Variants in TTLL5 observed in about 807,000 individuals in gnomAD.
TTLL5 encodes the protein tubulin tyrosine ligase like 5.
Under a neutral mutation model 168.4 loss-of-function variants are expected in TTLL5, and 132 were observed. The ratio of observed to expected loss-of-function variants is 0.78; its 90% CI spans 0.68 to 0.91. The LOEUF (loss-of-function observed/expected upper bound fraction) is 0.91, where lower values mean the gene tolerates loss of function less well. TTLL5 is among the 40% of genes least tolerant of loss of function. TTLL5 has a pLI of 0.00. For synonymous variants in TTLL5, 546 were observed against 558.6 expected (o/e 0.98, Z 0.32); for missense variants, 1,545 against 1,581.5 (o/e 0.98, Z 0.39).
rs540704523 is a variant in TTLL5 at position 75,795,945 on chromosome 14, C to T, written c.3171+2845C>T. Among the ~76,000 whole-genome samples, 9 of 152,152 alleles carry T rather than the reference C, an allele frequency of 5.9e-5. No homozygotes were observed. In the East Asian group the frequency reaches 1.7e-3, roughly 29 times the overall value. Reference sequence around the variant, plus strand: ...GACTTCTTTTCCTCTGGGTAGATACCCAGTAGTGGGATTACTGGATCAAAT... The same window carrying T: ...GACTTCTTTTCCTCTGGGTAGATACTCAGTAGTGGGATTACTGGATCAAAT... On this transcript the variant is annotated intron_variant, in intron 27 of 31. Transcript: ENST00000298832.
At chr14:75,668,759 A>C (rs1226837162) in intron 2 of TTLL5, among the ~76,000 whole-genome samples, 1 of 152,226 alleles carries the variant, frequency 6.6e-6, no homozygotes, top group East Asian at 1.9e-4. Flanking sequence ...ATTGGCTTGA[A>C]AATGGACTAT....
chr14:75,688,328 G>A (rs1166274560), intron 5 of TTLL5, among the ~76,000 whole-genome samples: 1 of 152,204 alleles, frequency 6.6e-6, no homozygotes, highest in Non-Finnish European at 1.5e-5. Context: ...GACTGGGTTT[G>A]GAGAGCTTCT....
intron 31 of TTLL5, among the ~76,000 whole-genome samples, chr14:75,924,107 A>G (rs537569448): frequency 1.3e-3 from 192 of 147,084 alleles, no homozygotes; most frequent in African/African-American, 4.5e-3. Flanking sequence ...TTTTGAGCCT[A>G]TGTGTGTCTC....
chr14:75,926,737 T>C (rs1051212160), intron 31 of TTLL5, among the ~76,000 whole-genome samples: 4 of 152,182 alleles, frequency 2.6e-5, no homozygotes, highest in African/African-American at 9.7e-5. Flanking sequence ...GCAGCTGGTT[T>C]AGAAAACAGT....
intron 28 of TTLL5, among the ~76,000 whole-genome samples, chr14:75,850,280 C>G (rs921339069): frequency 6.6e-6 from 1 of 151,740 alleles, no homozygotes; most frequent in African/African-American, 2.4e-5. Flanking sequence ...GTGGCACATG[C>G]CTGTAATCCC....
At chr14:75,895,529 A>G (rs2140067466) in intron 30 of TTLL5, among the ~76,000 whole-genome samples, 1 of 152,274 alleles carries the variant, frequency 6.6e-6, no homozygotes, top group East Asian at 1.9e-4. Context: ...TTTTTTTTTA[A>G]AAAAAATCCA....
At chr14:75,892,020 G>A (rs943671501) in intron 30 of TTLL5, among the ~76,000 whole-genome samples, 1 of 152,196 alleles carries the variant, frequency 6.6e-6, no homozygotes, top group Admixed American at 6.5e-5. Context: ...TTTGTTGGTA[G>A]GTTGTTATTT....
intron 20 of TTLL5, among the ~76,000 whole-genome samples, chr14:75,771,365 T>C (rs1891301480): frequency 6.6e-6 from 1 of 152,126 alleles, no homozygotes; most frequent in Non-Finnish European, 1.5e-5. Context: ...AGGATGGAGG[T>C]TGCGGTGAGC....
At chr14:75,878,011 C>T (rs557913744) in intron 29 of TTLL5, among the ~76,000 whole-genome samples, 1 of 152,346 alleles carries the variant, frequency 6.6e-6, no homozygotes, top group African/African-American at 2.4e-5. Flanking sequence ...ATTACCGACT[C>T]TTTGGAGTTT....
At chr14:75,821,061 C>G (rs1389540407) in intron 28 of TTLL5, among the ~76,000 whole-genome samples, 10 of 152,140 alleles carry the variant, frequency 6.6e-5, no homozygotes, top group South Asian at 2.1e-4. Flanking sequence ...CCCTGAGATT[C>G]AGAGGGGGTA....
chr14:75,835,225 C>G (rs1384199248), intron 28 of TTLL5: 1 of 152,210 alleles, frequency 6.6e-6, no homozygotes, highest in African/African-American at 2.4e-5. Context: ...TTGATCAACA[C>G]AGTTGAAGGG....
At chr14:75,735,628 A>G (rs1393394261) in intron 15 of TTLL5, among the ~76,000 whole-genome samples, 1 of 152,176 alleles carries the variant, frequency 6.6e-6, no homozygotes, top group Non-Finnish European at 1.5e-5. Context: ...CTTAGTCATT[A>G]CTGCATTCTT....
At chr14:75,864,110 A>T (rs551178320) in intron 29 of TTLL5, among the ~76,000 whole-genome samples, 1 of 151,896 alleles carries the variant, frequency 6.6e-6, no homozygotes, top group Admixed American at 6.6e-5. Flanking sequence ...GAATGCTTCT[A>T]TACAAAAATC....
intron 6 of TTLL5, among the ~76,000 whole-genome samples, chr14:75,698,174 T>A (rs1178664717): frequency 6.6e-6 from 1 of 152,236 alleles, no homozygotes; most frequent in South Asian, 2.1e-4. Flanking sequence ...AGCTCTAGCC[T>A]GCTTCTCTCC....
At chr14:75,870,195 C>T (rs1306652760) in intron 29 of TTLL5, among the ~76,000 whole-genome samples, 1 of 151,700 alleles carries the variant, frequency 6.6e-6, no homozygotes, top group Non-Finnish European at 1.5e-5. Context: ...TCCTACTATT[C>T]ATAAGCACCA....
intron 2 of TTLL5, among the ~76,000 whole-genome samples, chr14:75,668,035 A>G (rs1335252773): frequency 6.6e-6 from 1 of 152,040 alleles, no homozygotes; most frequent in Non-Finnish European, 1.5e-5. Context: ...CTGGGATTAC[A>G]GGCGTGAGCC....
At chr14:75,689,920 T>C in intron 5 of TTLL5, 3 of 323,686 alleles carry the variant, frequency 9.3e-6, no homozygotes, top group Non-Finnish European at 1.1e-5. Context: ...GGTTACATAA[T>C]TGTATGTGTT....
At chr14:75,949,836 C>CGA (rs2034900590) in intron 31 of TTLL5, among the ~76,000 whole-genome samples, 1 of 148,518 alleles carries the variant, frequency 6.7e-6, no homozygotes, top group Non-Finnish European at 1.5e-5. Context: ...GACAATAGAG[C>CGA]GAGACTCTGT....
At chr14:75,780,920 G>A (rs1023915606) in intron 24 of TTLL5, among the ~76,000 whole-genome samples, 7 of 151,990 alleles carry the variant, frequency 4.6e-5, no homozygotes, top group African/African-American at 1.5e-4. Context: ...GGTTGCTAGG[G>A]ATACAATGAC....
Sources: allele counts gnomAD v4.1 joint callset (sites outside exome capture counted in the v4.1 genomes callset), GRCh38; gene constraint gnomAD v4.1.1; transcripts MANE v1.5; gene names NCBI Gene and HGNC (gene_info 2026-07-23, HGNC 2026-07-21).